The following PEAK1 variants were observed in gnomAD, a reference collection of about 807,000 sequenced individuals.
PEAK1 encodes the protein inactive tyrosine-protein kinase PEAK1.
A neutral mutation model predicts 124.7 loss-of-function variants in PEAK1; 54 were observed. The observed-to-expected ratio is 0.43, with a 90% confidence interval of 0.35 to 0.54. PEAK1 has a LOEUF of 0.54. Among genes scored for constraint, PEAK1 ranks in the 20% least tolerant of loss-of-function variants. PEAK1 has a pLI of 0.01. For missense variants in PEAK1, 2,046 were observed against 2,134.5 expected (o/e 0.96, Z 0.82); for synonymous variants, 719 against 760.0 (o/e 0.95, Z 0.89).
chr15:77,100,860 C>T (rs1448080495), exon 7 of PEAK1: 3 of 152,204 alleles, frequency 2.0e-5, no homozygotes, highest in Non-Finnish European at 4.4e-5. Flanking sequence ...AGTTTAATGA[C>T]TTTCCCCAAA....
intron 2 of PEAK1, among the ~76,000 whole-genome samples, chr15:77,317,517 A>T (rs2064951520): frequency 6.6e-6 from 1 of 152,130 alleles, no homozygotes; most frequent in Admixed American, 6.6e-5. Flanking sequence ...TTTCATCCTG[A>T]CAATTACCTT....
At chr15:77,157,516 T>C (rs927410784) in intron 8 of PEAK1, 5 of 152,280 alleles carry the variant, frequency 3.3e-5, no homozygotes, top group African/African-American at 1.2e-4. Flanking sequence ...GCAGAATCTT[T>C]GCATTGGCAG....
chr15:77,282,963 T>C (rs951895034), intron 5 of PEAK1, among the ~76,000 whole-genome samples: 2 of 152,162 alleles, frequency 1.3e-5, no homozygotes, highest in African/African-American at 4.8e-5. Flanking sequence ...AAGTCATACA[T>C]AGAGCTGAGA....
chr15:77,130,533 T>C (rs1173150229), intron 9 of PEAK1, among the ~76,000 whole-genome samples: 1 of 152,216 alleles, frequency 6.6e-6, no homozygotes. Flanking sequence ...GTTTCAAACA[T>C]ACATTCTGTC....
chr15:77,169,714 G>A (rs1291014494), intron 7 of PEAK1, among the ~76,000 whole-genome samples: 1 of 152,194 alleles, frequency 6.6e-6, no homozygotes, highest in Non-Finnish European at 1.5e-5. Context: ...CAAGGTAGTA[G>A]AAGCAGAGGT....
intron 6 of PEAK1, among the ~76,000 whole-genome samples, chr15:77,187,862 G>A (rs958250493): frequency 3.3e-5 from 5 of 152,128 alleles, no homozygotes; most frequent in Admixed American, 2.6e-4. Flanking sequence ...GTTCTCACTA[G>A]GCTTTTGTTA....
At chr15:77,293,816 C>A (rs1477202221) in intron 2 of PEAK1, among the ~76,000 whole-genome samples, 2 of 152,084 alleles carry the variant, frequency 1.3e-5, no homozygotes, top group Non-Finnish European at 2.9e-5. Context: ...TATTTGTCTA[C>A]AATTAATTGA....
chr15:77,251,825 T>C (rs1311541022), intron 6 of PEAK1, among the ~76,000 whole-genome samples: 1 of 152,166 alleles, frequency 6.6e-6, no homozygotes, highest in Non-Finnish European at 1.5e-5. Flanking sequence ...TACTACCCTT[T>C]CCCTAGAAAT....
At chr15:77,175,968 T>C (rs546126203) in intron 7 of PEAK1, among the ~76,000 whole-genome samples, 14 of 152,088 alleles carry the variant, frequency 9.2e-5, no homozygotes, top group South Asian at 8.3e-4. Flanking sequence ...ATGGATGAAA[T>C]TGGAAATCAT....
intron 6 of PEAK1, among the ~76,000 whole-genome samples, chr15:77,206,185 C>T (rs1484078540): frequency 2.3e-5 from 3 of 132,052 alleles, no homozygotes; most frequent in African/African-American, 5.7e-5. Context: ...CATAGTATTC[C>T]ATGGTGTATA....
In PEAK1 at chr15:77,110,106, T is replaced by C. The variant is rs1426322196; in HGVS notation, c.*4050A>G. ...GACCCAAAGATCTTTCCTGGAAACT[T>C]TTTTTTGAGACGAAGTTGCTCAATC... On this transcript the variant is annotated 3_prime_UTR_variant, in exon 10 of 10. Coordinates refer to ENST00000682557, the MANE Select transcript of PEAK1 (RefSeq NM_001385026.1). 6.6e-6 allele frequency: 1 copy of C among 152,128 alleles called. No individual in the cohort carries two copies. Among genetic ancestry groups the C allele is most frequent in the Non-Finnish European group, 1.5e-5 (1 of 68,018 alleles). The allele number at this position is 152,128 out of a possible 1,614,324, so 9.4% of individuals were successfully genotyped here. A position where few individuals can be genotyped will look rare whatever the true frequency, so the allele number is the denominator to read the frequency against.
intron 7 of PEAK1, 72 bp from the exon 8 acceptor site, chr15:77,158,768 T>C (rs1596397696): frequency 7.1e-7 from 1 of 1,408,130 alleles, no homozygotes; most frequent in East Asian, 2.3e-5. Flanking sequence ...ATGGAAGGCA[T>C]ATACTTCCCA....
Position 77,178,866 on chromosome 15 carries a change from C to CT in PEAK1, c.3060dup (p.Glu1021ArgfsTer22). 6.2e-7 allele frequency: 1 copy of CT among 1,614,146 alleles called. No individual in the cohort carries two copies. Among genetic ancestry groups the CT allele is most frequent in the Non-Finnish European group, 8.5e-7 (1 of 1,180,012 alleles). ...TCTGAGTCCTGTAGTAATGCATTCT[C>CT]TGCTCTACCCTTCTCCATGACTGCT... is the stretch of plus-strand genomic sequence containing the variant. On this transcript the variant is annotated frameshift_variant, in exon 7 of 10. Transcript: ENST00000682557. LOFTEE classifies it high-confidence loss of function.
chr15:77,103,033 G>A (rs1441153068), exon 7 of PEAK1: 1 of 152,142 alleles, frequency 6.6e-6, no homozygotes, highest in Non-Finnish European at 1.5e-5. Context: ...GTGACTGAAC[G>A]CCTGAAGAAG....
intron 5 of PEAK1, among the ~76,000 whole-genome samples, chr15:77,274,459 A>G (rs2062203908): frequency 6.6e-6 from 1 of 152,168 alleles, no homozygotes; most frequent in Non-Finnish European, 1.5e-5. Context: ...AGACATGAAT[A>G]GACAATTTTC....
chr15:77,358,492 G>T (rs1197785670), intron 2 of PEAK1, among the ~76,000 whole-genome samples: 1 of 152,116 alleles, frequency 6.6e-6, no homozygotes, highest in Non-Finnish European at 1.5e-5. Context: ...TATTTTATTT[G>T]AACTTTCTCT....
intron 2 of PEAK1, among the ~76,000 whole-genome samples, chr15:77,355,426 C>G (rs1001569777): frequency 1.3e-5 from 2 of 152,100 alleles, no homozygotes; most frequent in Non-Finnish European, 2.9e-5. Context: ...AATGACTGTT[C>G]AGATTAGAAT....
intron 9 of PEAK1, among the ~76,000 whole-genome samples, chr15:77,120,403 G>A (rs563781758): frequency 5.9e-5 from 9 of 152,002 alleles, no homozygotes; most frequent in Admixed American, 1.3e-4. Flanking sequence ...TGAACTCTCC[G>A]TCCCACCAAA....
chr15:77,337,796 CAG>C (rs1409705440), intron 2 of PEAK1: 2 of 985,100 alleles, frequency 2.0e-6, no homozygotes, highest in Non-Finnish European at 2.4e-6. Context: ...TTGAGGAAGA[CAG>C]AATGGAAAAC....
Sources: gnomAD v4.1 joint callset for allele counts (sites outside exome capture counted in the v4.1 genomes callset) on GRCh38, gnomAD v4.1.1 for gene constraint, MANE v1.5 for transcripts, NCBI Gene and HGNC (gene_info 2026-07-23, HGNC 2026-07-21) for gene names.